MFSD12: variants seen among roughly 807,000 people sequenced by gnomAD.
The protein encoded by MFSD12 is major facilitator superfamily domain-containing protein 12.
Under a neutral mutation model 51.2 loss-of-function variants are expected in MFSD12, and 67 were observed. The ratio of observed to expected loss-of-function variants is 1.31; its 90% CI spans 1.08 to 1.60. The LOEUF (loss-of-function observed/expected upper bound fraction) is 1.60, where lower values mean the gene tolerates loss of function less well. MFSD12 is among the 40% of genes most tolerant of loss of function. The pLI, the probability that MFSD12 is intolerant of heterozygous loss-of-function variation, is 0.00. For missense variants in MFSD12, 921 were observed against 673.0 expected, an observed-to-expected ratio of 1.37 and a Z score of -4.08; for synonymous variants, 441 against 316.7, an observed-to-expected ratio of 1.39 and a Z score of -4.17.
intron 6 of MFSD12, 82 bp downstream of exon 6, chr19:3,547,190 G>C (rs1215199846): frequency 1.6e-6 from 2 of 1,273,430 alleles, no homozygotes; most frequent in Non-Finnish European, 2.3e-6. Context: ...AGCATCCGAG[G>C]ATGGAACCCG....
In MFSD12 at chr19:3,551,078, G is replaced by C. The variant is rs1419598497; in HGVS notation, c.415C>G (p.Gln139Glu). 6.2e-7 allele frequency: 1 copy of C among 1,612,998 alleles called. No individual in the cohort carries two copies. Among genetic ancestry groups the C allele is most frequent in the Non-Finnish European group, 8.5e-7 (1 of 1,180,000 alleles). The stretch of plus-strand genomic sequence containing the variant: ...ATCTGTGTGGAGGCCCAGCCAAACT[G>C]GAAGATCACGATGAACGGGCCGTAG... ...LYYGPFIVIF[Q>E]FGWASTQISH... Residue 139 changes from glutamine (Q) to glutamate (E), a missense_variant, in exon 2 of 10, where the codon CAG becomes GAG. By Grantham distance (29) the Gln-to-Glu change is conservative (BLOSUM62 2). Transcript: ENST00000355415. This position sits in a 1 kb window ranked among gnomAD's most constrained non-coding sequence, Gnocchi z 4.6.
chr19:3,543,851 G>A (rs537057412), downstream of MFSD12: 2 of 1,545,706 alleles, frequency 1.3e-6, no homozygotes, highest in Non-Finnish European at 1.7e-6. Context: ...ACCGGTACGG[G>A]GTGGAGCCAC....
At chr19:3,549,548 T>TC (rs1226931019) in intron 2 of MFSD12, among the ~76,000 whole-genome samples, 1 of 148,172 alleles carries the variant, frequency 6.7e-6, no homozygotes, top group African/African-American at 2.5e-5. Flanking sequence ...GACGGTGAAA[T>TC]CCCATCTCTA....
chr19:3,539,225 G>C, downstream of MFSD12: 1 of 1,550,736 alleles, frequency 6.4e-7, no homozygotes, highest in African/African-American at 1.4e-5. Flanking sequence ...TCCCCTCGGG[G>C]ACCCTCGAGG....
rs1568261156 is a variant in MFSD12, at chr19:3,551,465, C to CA, written c.299-272dup. Among the ~76,000 whole-genome samples the CA allele has an allele frequency of 1.3e-5, 2 of 152,162 alleles. No individual in the cohort carries two copies. Among genetic ancestry groups the CA allele is most frequent in the Non-Finnish European group, 2.9e-5 (2 of 68,002 alleles). The stretch of plus-strand genomic sequence containing the variant: ...GGGGGTCCCCCGGAAACCTGCCCCC[C>CA]ACAGGTGCCCCGGTTACAGCCGCAG... On this transcript the variant is annotated intron_variant, in intron 1 of 9. Coordinates refer to ENST00000355415, the MANE Select transcript of MFSD12 (RefSeq NM_174983.5). The surrounding 1 kb of genome is among the most constrained non-coding windows in gnomAD (Gnocchi z 4.6).
At chr19:3,541,291 G>A (rs1182711063), downstream of MFSD12, among the ~76,000 whole-genome samples, 4 of 151,538 alleles carry the variant, frequency 2.6e-5, no homozygotes, top group African/African-American at 2.4e-5. Flanking sequence ...AGCCGAAATC[G>A]TGCCACTGCA....
At chr19:3,545,657 G>C (rs997729958) in intron 8 of MFSD12, among the ~76,000 whole-genome samples, 2 of 152,226 alleles carry the variant, frequency 1.3e-5, no homozygotes, top group Non-Finnish European at 2.9e-5. Context: ...GTTCACCTCT[G>C]TGACTATTAA....
chr19:3,546,112 C>A lies in MFSD12; in HGVS notation c.1251G>T (p.Gly417=), dbSNP rs1381451315. ...SMSFLDKVAN[G]LAVMAIQSLH... ...GGCTCTGGATGGCCATGACTGCCAG[C>A]CCATTGGCCACCTTATCCAAGAAGC... Residue 417 remains glycine, a synonymous_variant, in exon 8 of 10, where the codon GGG becomes GGT. Coordinates refer to ENST00000355415, the MANE Select transcript of MFSD12 (RefSeq NM_174983.5). The A allele has an allele frequency of 3.7e-6, 6 of 1,613,310 alleles. No individual in the cohort carries two copies. Among genetic ancestry groups the A allele is most frequent in the Non-Finnish European group, 5.1e-6 (6 of 1,180,018 alleles).
In MFSD12 at chr19:3,551,273, G is replaced by A; in HGVS notation, c.299-79C>T. 8.3e-7 allele frequency: 1 copy of A among 1,203,590 alleles called. No individual in the cohort carries two copies. The highest frequency in any genetic ancestry group is 1.2e-6 in the Non-Finnish European group (1 of 868,670). 74.6% of individuals were successfully genotyped at this position (1,203,590 alleles called of 1,614,324 possible). On this transcript the variant is annotated intron_variant, in intron 1 of 9. Coordinates refer to ENST00000355415, the MANE Select transcript of MFSD12 (RefSeq NM_174983.5). This position sits in a 1 kb window ranked among gnomAD's most constrained non-coding sequence, Gnocchi z 4.6. ...CCAGGGTGAGGACATGGAGGGAGGA[G>A]AGAGGGAAACTGAGGCACAGATGGA... is the stretch of plus-strand genomic sequence containing the variant.
chr19:3,548,038 T>A lies in MFSD12; in HGVS notation c.655-8A>T, dbSNP rs2031220096. 2.5e-6 allele frequency: 4 copies of A among 1,599,880 alleles called. No individual in the cohort carries two copies. Among genetic ancestry groups the A allele is most frequent in the Admixed American group, 3.4e-5 (2 of 59,172 alleles). Reference sequence around the variant, plus strand: ...CACCAGCAGGGACAGGTTCTGGGGATGCAGCAGAAGCAGTCAGTGGTGGCG... The same window carrying A: ...CACCAGCAGGGACAGGTTCTGGGGAAGCAGCAGAAGCAGTCAGTGGTGGCG... On this transcript the variant is annotated splice_region_variant and splice_polypyrimidine_tract_variant and intron_variant, in intron 3 of 9. Coordinates refer to ENST00000355415, the MANE Select transcript of MFSD12 (RefSeq NM_174983.5).
At chr19:3,548,531 A>G (rs1473566352) in intron 2 of MFSD12, among the ~76,000 whole-genome samples, 1 of 152,194 alleles carries the variant, frequency 6.6e-6, no homozygotes, top group Non-Finnish European at 1.5e-5. Context: ...AGCGGAGTCC[A>G]GGCTACAACC....
rs2030743545 is a variant in MFSD12, at chr19:3,544,274, G to C, written c.*436C>G. 1 of 1,302,818 alleles carries C rather than the reference G, an allele frequency of 7.7e-7. No individual in the cohort carries two copies. Among genetic ancestry groups the C allele is most frequent in the East Asian group, 3.0e-5 (1 of 33,258 alleles). The allele number at this position is 1,302,818 out of a possible 1,614,324, so 80.7% of individuals were successfully genotyped here. The stretch of plus-strand genomic sequence containing the variant: ...CAGCCCTGCTGCCCACCACGGTGGG[G>C]TCCAGGCCCAGCCCACCACCCCGTG... On this transcript the variant is annotated 3_prime_UTR_variant, in exon 10 of 10. Coordinates refer to ENST00000355415, the MANE Select transcript of MFSD12 (RefSeq NM_174983.5).
At chr19:3,552,460 GC>G (rs1568261728) in intron 1 of MFSD12, among the ~76,000 whole-genome samples, 1 of 119,974 alleles carries the variant, frequency 8.3e-6, no homozygotes, top group East Asian at 2.6e-4. Flanking sequence ...GAGCCACCGC[GC>G]CCCGCCTTTT....
intron 1 of MFSD12, among the ~76,000 whole-genome samples, chr19:3,553,428 G>A (rs144292333): frequency 0.036 from 5,314 of 149,448 alleles, 294 homozygotes; most frequent in African/African-American, 0.12. Flanking sequence ...AGTCGTGATC[G>A]TGCCACTGCG....
downstream of MFSD12, among the ~76,000 whole-genome samples, chr19:3,540,370 G>A (rs558371172): frequency 2.0e-5 from 3 of 151,632 alleles, no homozygotes; most frequent in South Asian, 6.2e-4. Flanking sequence ...CGATTCTCCT[G>A]CCTCAGCCTC....
chr19:3,546,110 A>C lies in MFSD12; in HGVS notation c.1253T>G (p.Leu418Arg), dbSNP rs766330601. The C allele has an allele frequency of 2.5e-6, 4 of 1,613,412 alleles. No homozygotes were observed. The highest frequency in any genetic ancestry group is 3.4e-6 in the Non-Finnish European group (4 of 1,179,998). ...CAGGCTCTGGATGGCCATGACTGCCAGCCCATTGGCCACCTTATCCAAGAA... is the reference window on the plus strand; with the variant it reads ...CAGGCTCTGGATGGCCATGACTGCCCGCCCATTGGCCACCTTATCCAAGAA... Reference protein sequence around the residue: ...MSFLDKVANGLAVMAIQSLHP... With the variant: ...MSFLDKVANGRAVMAIQSLHP... Residue 418 changes from leucine to arginine, a missense_variant, in exon 8 of 10, where the codon CTG becomes CGG. By Grantham distance (102) the Leu-to-Arg change is moderately radical. Transcript: ENST00000355415.
chr19:3,544,809 AGCGTC>A lies in MFSD12; in HGVS notation c.1415_1419del (p.Arg472LeufsTer4). 3 of 1,612,126 alleles carry A rather than the reference AGCGTC, an allele frequency of 1.9e-6. No homozygotes were observed. The highest frequency in any genetic ancestry group is 2.5e-6 in the Non-Finnish European group (3 of 1,179,192). ...GAGGGAGGGGTGGGCCAGGACTCAC[AGCGTC>A]GCAGGCGGGTCGGCCACAGCAGGAG... On this transcript the variant is annotated frameshift_variant and splice_region_variant, in exon 9 of 10. Coordinates refer to ENST00000355415, the MANE Select transcript of MFSD12 (RefSeq NM_174983.5). LOFTEE classifies it high-confidence loss of function.
chr19:3,539,251 C>A, downstream of MFSD12: 2 of 1,548,690 alleles, frequency 1.3e-6, no homozygotes, highest in Non-Finnish European at 1.7e-6. Context: ...TTCCCAGCAC[C>A]GCTGTACAGG....
intron 1 of MFSD12, among the ~76,000 whole-genome samples, chr19:3,556,323 G>A (rs369627742): frequency 6.6e-6 from 1 of 152,192 alleles, no homozygotes; most frequent in Non-Finnish European, 1.5e-5. Context: ...CCCTCCAGAG[G>A]GTTCAGGGTG....
Sources: gnomAD v4.1 joint callset for allele counts (sites outside exome capture counted in the v4.1 genomes callset) on GRCh38, gnomAD v4.1.1 for gene constraint, Gnocchi (gnomAD v3.1) non-coding constraint, MANE v1.5 for transcripts, NCBI Gene and HGNC (gene_info 2026-07-23, HGNC 2026-07-21) for gene names.